The following ATP6V0A4 variants were observed in gnomAD, a reference collection of about 807,000 sequenced individuals.
The protein encoded by ATP6V0A4 is V-type proton ATPase 116 kDa subunit a 4.
A neutral mutation model predicts 107.3 loss-of-function variants in ATP6V0A4; 86 were observed. The ratio of observed to expected loss-of-function variants is 0.80; its 90% CI spans 0.67 to 0.96. The LOEUF (loss-of-function observed/expected upper bound fraction) is 0.96. ATP6V0A4 is among the 40% of genes least tolerant of loss of function. The pLI is 0.00. For missense variants in ATP6V0A4, 908 were observed against 1,045.6 expected, an observed-to-expected ratio of 0.87 and a Z score of 1.81; for synonymous variants, 353 against 381.4, an observed-to-expected ratio of 0.93 and a Z score of 0.87.
At chr7:138,725,384 A>G (rs1295134856) in intron 18 of ATP6V0A4, among the ~76,000 whole-genome samples, 1 of 152,256 alleles carries the variant, frequency 6.6e-6, no homozygotes, top group East Asian at 1.9e-4. Context: ...GAGAAGATAG[A>G]TCCCAAAGAA....
intron 19 of ATP6V0A4, among the ~76,000 whole-genome samples, chr7:138,718,043 A>AATGGAGGGGGTACAGTCACGG: frequency 4.6e-4 from 39 of 84,324 alleles, no homozygotes; most frequent in Non-Finnish European, 7.5e-4. Context: ...TCCAGGAAGG[A>AATGGAGGGGGTACAGTCACGG]GTGGGGGGGT....
chr7:138,775,503 G>A (rs1259827055), intron 2 of ATP6V0A4, among the ~76,000 whole-genome samples: 1 of 151,888 alleles, frequency 6.6e-6, no homozygotes, highest in South Asian at 2.1e-4. Context: ...AAGAGGCAGG[G>A]TCTTGCTCTG....
chr7:138,749,393 C>A, intron 11 of ATP6V0A4, 76 bp from the exon 12 acceptor site: 1 of 1,556,322 alleles, frequency 6.4e-7, no homozygotes, highest in Non-Finnish European at 8.7e-7. Flanking sequence ...AGGTCACAGT[C>A]CCAGCTCCTG....
intron 19 of ATP6V0A4, among the ~76,000 whole-genome samples, chr7:138,716,580 G>A (rs1404309527): frequency 3.6e-5 from 5 of 137,860 alleles, no homozygotes; most frequent in Admixed American, 2.5e-4. Flanking sequence ...TTTTTTGGGG[G>A]GGGGGGAGGG....
rs985096221 is a variant in ATP6V0A4 at position 138,773,033 on chromosome 7, CT to C, written c.-17-1770del. Among the ~76,000 whole-genome samples the C allele has an allele frequency of 1.3e-5, 2 of 152,160 alleles. No homozygotes were observed. Among genetic ancestry groups the C allele is most frequent in the Admixed American group, 6.5e-5 (1 of 15,274 alleles). ...ACGGCCCTACTGCTGCCAAATCACACTTTTTCCCCCCAGGTCAACCTTCTGG... is the reference window on the plus strand; with the variant it reads ...ACGGCCCTACTGCTGCCAAATCACACTTTTCCCCCCAGGTCAACCTTCTGG... On this transcript the variant is annotated intron_variant, in intron 2 of 21. Coordinates refer to ENST00000310018, the MANE Select transcript of ATP6V0A4 (RefSeq NM_020632.3). The surrounding 1 kb of genome is among the most constrained non-coding windows in gnomAD (Gnocchi z 5.4).
chr7:138,706,441 T>G lies in ATP6V0A4; in HGVS notation c.*183A>C. Reference sequence around the variant, plus strand: ...AAGACAATATCACTTGCCAAAGTCCTTCCTCTGACGTGGTTAAGTCGTATC... The same window carrying G: ...AAGACAATATCACTTGCCAAAGTCCGTCCTCTGACGTGGTTAAGTCGTATC... On this transcript the variant is annotated 3_prime_UTR_variant, in exon 22 of 22. Coordinates refer to ENST00000310018, the MANE Select transcript of ATP6V0A4 (RefSeq NM_020632.3). The G allele has an allele frequency of 1.5e-6, 1 of 688,070 alleles. No individual in the cohort carries two copies. The highest frequency in any genetic ancestry group is 2.5e-6 in the Non-Finnish European group (1 of 403,326). 42.6% of individuals were successfully genotyped at this position (688,070 alleles called of 1,614,324 possible).
intron 19 of ATP6V0A4, among the ~76,000 whole-genome samples, chr7:138,721,597 C>G (rs912739498): frequency 2.6e-5 from 4 of 152,144 alleles, no homozygotes; most frequent in African/African-American, 9.7e-5. Context: ...CTCAGTGACA[C>G]GCAGGACCTT....
intron 3 of ATP6V0A4, 41 bp downstream of exon 3, chr7:138,771,090 A>C: frequency 6.3e-7 from 1 of 1,575,206 alleles, no homozygotes. Context: ...ATCTACTCCC[A>C]CCCCTGCCTT....
chr7:138,744,708 TC>T (rs1033388484), intron 14 of ATP6V0A4, among the ~76,000 whole-genome samples: 2 of 94,164 alleles, frequency 2.1e-5, no homozygotes, highest in African/African-American at 3.9e-5. Context: ...TTTTTCTTTT[TC>T]TTTTTTTTTT....
intron 13 of ATP6V0A4, among the ~76,000 whole-genome samples, chr7:138,745,899 G>GC (rs1350995263): frequency 1.1e-5 from 1 of 94,360 alleles, no homozygotes; most frequent in Admixed American, 1.3e-4. Context: ...AGCTGAGATT[G>GC]CCCCACTGCC....
In ATP6V0A4 at chr7:138,797,971, C is replaced by T. The variant is rs1354299401; in HGVS notation, c.-121+63G>A. On this transcript the variant is annotated intron_variant, in intron 1 of 21. Transcript: ENST00000310018. ...CACCCCATGGTGTTTCCCCCAAACACCCAGCATAAGTTCACCTCTGGCAGA... is the reference window on the plus strand; with the variant it reads ...CACCCCATGGTGTTTCCCCCAAACATCCAGCATAAGTTCACCTCTGGCAGA... 3.9e-6 allele frequency: 6 copies of T among 1,543,172 alleles called. No homozygotes were observed. The Admixed American group carries it at 9.8e-5, about 25-fold the overall frequency.
Position 138,760,984 on chromosome 7 carries a change from T to A in ATP6V0A4, c.513-1106A>T, listed in dbSNP as rs184281934. 3.0e-3 allele frequency among the ~76,000 whole-genome samples: 458 copies of A among 151,526 alleles called. 10 individuals carry two copies. In the South Asian group the frequency reaches 0.038, roughly 13 times the overall value. ...TCCCATTTCTTTTTTTTATTAAAAT[T>A]TTTTTTTTTGTAGACACAGAGTCTT... On this transcript the variant is annotated intron_variant, in intron 7 of 21. Coordinates refer to ENST00000310018, the MANE Select transcript of ATP6V0A4 (RefSeq NM_020632.3).
At position 138,745,280 on chromosome 7, in the gene ATP6V0A4, T is replaced by A. The variant is rs761872689; in HGVS notation, c.1321A>T (p.Ile441Phe). The A allele has an allele frequency of 2.4e-5, 39 of 1,613,880 alleles. No individual in the cohort carries two copies. The highest frequency in any genetic ancestry group is 3.1e-5 in the Non-Finnish European group (37 of 1,179,976). Reference sequence around the variant, plus strand: ...CGCCCGTGGAAGAAGGTGTTCCAAATCTGGCCTCAGAGAGACAGAGAGGAT... The same window carrying A: ...CGCCCGTGGAAGAAGGTGTTCCAAAACTGGCCTCAGAGAGACAGAGAGGAT... The part of the protein sequence containing the change: ...RLLSQKTDNE[I>F]WNTFFHGRYL... The change falls in exon 14 of 22, where the codon ATT becomes TTT. Residue 441 changes from isoleucine (I) to phenylalanine (F), a missense_variant and splice_region_variant. By Grantham distance (21) the Ile-to-Phe change is conservative. Transcript: ENST00000310018.
chr7:138,789,968 CAAAAAAAAA>C (rs34413519), intron 1 of ATP6V0A4, among the ~76,000 whole-genome samples: 9 of 126,746 alleles, frequency 7.1e-5, no homozygotes, highest in African/African-American at 2.6e-4. Context: ...GACTCTGTCT[CAAAAAAAAA>C]AAAAAAAAAA....
chr7:138,768,494 A>C (rs1204462642), intron 5 of ATP6V0A4, among the ~76,000 whole-genome samples: 3 of 148,624 alleles, frequency 2.0e-5, no homozygotes, highest in African/African-American at 7.4e-5. Context: ...TGCCTGTAAG[A>C]ATCAAACACC....
chr7:138,762,899 C>T lies in ATP6V0A4; in HGVS notation c.417+1G>A. On this transcript the variant is annotated splice_donor_variant, in intron 6 of 21. Transcript: ENST00000310018. LOFTEE classifies it high-confidence loss of function. ...TTAGTAACTCATCCCCACGTGACCA[C>T]CTCAAAGAAGTCTTGGGTTTTCTTC... 1 of 1,614,106 alleles carries T rather than the reference C, an allele frequency of 6.2e-7. No homozygotes were observed. The highest frequency in any genetic ancestry group is 8.5e-7 in the Non-Finnish European group (1 of 1,180,008).
intron 21 of ATP6V0A4, among the ~76,000 whole-genome samples, chr7:138,707,316 A>T (rs1174153457): frequency 1.4e-5 from 1 of 69,602 alleles, no homozygotes; most frequent in African/African-American, 6.9e-5. Context: ...ATATTTATTT[A>T]TATTTATATT....
intron 21 of ATP6V0A4, among the ~76,000 whole-genome samples, chr7:138,709,124 G>C (rs1311842125): frequency 1.3e-5 from 2 of 148,564 alleles, no homozygotes; most frequent in African/African-American, 5.0e-5. Flanking sequence ...CAGGAGAATC[G>C]CCTGAACCCG....
intron 7 of ATP6V0A4, among the ~76,000 whole-genome samples, chr7:138,760,650 C>T (rs1806765831): frequency 6.6e-6 from 1 of 152,086 alleles, no homozygotes; most frequent in African/African-American, 2.4e-5. Flanking sequence ...TCATGTTAGC[C>T]AGTGACTTTC....
Sources: allele counts gnomAD v4.1 joint callset (sites outside exome capture counted in the v4.1 genomes callset), GRCh38; gene constraint gnomAD v4.1.1; non-coding constraint Gnocchi (gnomAD v3.1); transcripts MANE v1.5; gene names NCBI Gene and HGNC (gene_info 2026-07-23, HGNC 2026-07-21).